Variants in RCAN2 observed in about 807,000 individuals in gnomAD.
RCAN2 encodes calcipressin-2.
RCAN2 carries 9 observed loss-of-function variants against 23.6 expected under a neutral mutation model. The observed-to-expected ratio is 0.38, with a 90% confidence interval of 0.23 to 0.67. The LOEUF is 0.67. RCAN2 is among the 30% of genes least tolerant of loss of function. The probability of loss-of-function intolerance (pLI) is 0.51; values close to 1 mark genes in which losing one functional copy is unlikely to be tolerated. For missense variants in RCAN2, 273 were observed against 302.3 expected (o/e 0.90, Z 0.72); for synonymous variants, 109 against 115.7 (o/e 0.94, Z 0.37).
At chr6:46,394,066 A>G (rs1277939799) in intron 2 of RCAN2, among the ~76,000 whole-genome samples, 1 of 152,202 alleles carries the variant, frequency 6.6e-6, no homozygotes, top group Non-Finnish European at 1.5e-5. Flanking sequence ...TTGAAAGCTG[A>G]GCTGCCATCA....
At chr6:46,386,450 A>G (rs904489809) in intron 2 of RCAN2, among the ~76,000 whole-genome samples, 1 of 151,522 alleles carries the variant, frequency 6.6e-6, no homozygotes, top group Non-Finnish European at 1.5e-5. Context: ...AATACAAAAA[A>G]AAAAAAAATT....
chr6:46,375,792 A>G lies in RCAN2; in HGVS notation c.225+80960T>C, dbSNP rs559448009. On this transcript the variant is annotated intron_variant, in intron 2 of 4. Transcript: ENST00000371374. ...AGAATGAGTGTGGCTCTGTTCCAAT[A>G]AAACTTTATTTATAGAAACAGAAAT... is the stretch of plus-strand genomic sequence containing the variant. 5.9e-5 allele frequency among the ~76,000 whole-genome samples: 9 copies of G among 152,346 alleles called. No homozygotes were observed. In the East Asian group the frequency reaches 1.7e-3, roughly 29 times the overall value.
chr6:46,365,266 A>C (rs1439957859), intron 2 of RCAN2, among the ~76,000 whole-genome samples: 1 of 152,088 alleles, frequency 6.6e-6, no homozygotes, highest in Non-Finnish European at 1.5e-5. Flanking sequence ...ACCTGAGGTC[A>C]GGAGTTTGAG....
In RCAN2 at chr6:46,246,749, T is replaced by G; in HGVS notation, c.570A>C (p.Pro190=). 6.2e-7 allele frequency: 1 copy of G among 1,612,452 alleles called. No individual in the cohort carries two copies. Among genetic ancestry groups the G allele is most frequent in the Non-Finnish European group, 8.5e-7 (1 of 1,179,136 alleles). The part of the protein sequence containing the change: ...DLLYAVAKLG[P]GEKYELHAGT... ...TTTAAAATGGACCGCAAAGCTTACC[T>G]GGTCCTAGTTTGGCCACAGCATAGA... is the stretch of plus-strand genomic sequence containing the variant. The change falls in exon 4 of 5, where the codon CCA becomes CCC. Residue 190 remains proline (P), a splice_region_variant and synonymous_variant. Coordinates refer to ENST00000371374, the MANE Select transcript of RCAN2 (RefSeq NM_001251974.2).
intron 2 of RCAN2, among the ~76,000 whole-genome samples, chr6:46,388,282 A>C (rs1261463886): frequency 1.3e-5 from 2 of 151,756 alleles, no homozygotes; most frequent in Admixed American, 6.6e-5. Flanking sequence ...AAAATAAATA[A>C]ATTTTAAAAA....
chr6:46,270,093 C>T (rs571517214), intron 2 of RCAN2, among the ~76,000 whole-genome samples: 13 of 152,172 alleles, frequency 8.5e-5, no homozygotes, highest in Non-Finnish European at 1.8e-4. Context: ...ATCACAGCTT[C>T]ACTACACCCT....
chr6:46,383,154 C>T (rs994195884), intron 2 of RCAN2, among the ~76,000 whole-genome samples: 7 of 148,468 alleles, frequency 4.7e-5, no homozygotes, highest in Admixed American at 2.7e-4. Flanking sequence ...GGAAAAGATT[C>T]GTGCAGCCTG....
At chr6:46,367,531 A>AGATCTGTCAGTAAAT (rs1396544106) in intron 2 of RCAN2, among the ~76,000 whole-genome samples, 1 of 152,228 alleles carries the variant, frequency 6.6e-6, no homozygotes, top group Non-Finnish European at 1.5e-5. Flanking sequence ...TGTCAGTTCA[A>AGATCTGTCAGTAAAT]GATCAAGTTA....
At chr6:46,258,108 C>T (rs1189612280) in intron 2 of RCAN2, among the ~76,000 whole-genome samples, 1 of 152,194 alleles carries the variant, frequency 6.6e-6, no homozygotes, top group Non-Finnish European at 1.5e-5. Context: ...AATCACAAGG[C>T]TCTCATCTTT....
At chr6:46,475,968 G>A (rs1371217465) in intron 1 of RCAN2, among the ~76,000 whole-genome samples, 2 of 152,152 alleles carry the variant, frequency 1.3e-5, no homozygotes, top group Non-Finnish European at 2.9e-5. Context: ...TTTAAAATTT[G>A]AAGCCAAAGA....
rs567644937 is a variant in RCAN2, at chr6:46,405,348, G to T, written c.225+51404C>A. ...GCTTCCACAGGGTGGAAGGGGACCC[G>T]AGCGGGTTGCCACTGCTGGCTTGGG... On this transcript the variant is annotated intron_variant, in intron 2 of 4. Coordinates refer to ENST00000371374, the MANE Select transcript of RCAN2 (RefSeq NM_001251974.2). Among the ~76,000 whole-genome samples, 116 of 152,272 alleles carry T rather than the reference G, an allele frequency of 7.6e-4. 1 individual carries two copies. Among genetic ancestry groups the T allele is most frequent in the African/African-American group, 2.7e-3 (114 of 41,564 alleles).
Position 46,249,072 on chromosome 6 carries a change from C to A in RCAN2, c.226-176G>T, listed in dbSNP as rs1766619611. On this transcript the variant is annotated intron_variant, in intron 2 of 4. Coordinates refer to ENST00000371374, the MANE Select transcript of RCAN2 (RefSeq NM_001251974.2). ...GATCTGTTGCCAGGTGCAAAACATG[C>A]CTGAATGATTTATAATCTTGGTCCA... 2.6e-5 allele frequency among the ~76,000 whole-genome samples: 4 copies of A among 151,404 alleles called. No individual in the cohort carries two copies. In the South Asian group the frequency reaches 8.4e-4, roughly 32 times the overall value.
intron 1 of RCAN2, among the ~76,000 whole-genome samples, chr6:46,478,570 A>T (rs937637566): frequency 6.6e-6 from 1 of 152,044 alleles, no homozygotes; most frequent in Non-Finnish European, 1.5e-5. Flanking sequence ...CTATGTCCAC[A>T]TGCTATACAA....
chr6:46,291,598 C>T (rs1047020106), intron 2 of RCAN2, among the ~76,000 whole-genome samples: 5 of 151,594 alleles, frequency 3.3e-5, no homozygotes, highest in African/African-American at 9.7e-5. Context: ...TTCTTCCTAA[C>T]AACAACAACA....
intron 2 of RCAN2, among the ~76,000 whole-genome samples, chr6:46,295,332 TG>T (rs1561846913): frequency 6.6e-6 from 1 of 152,084 alleles, no homozygotes; most frequent in Non-Finnish European, 1.5e-5. Context: ...GAAGCCACTT[TG>T]GTAGGAGAGA....
At chr6:46,299,814 A>G (rs529604582) in intron 2 of RCAN2, among the ~76,000 whole-genome samples, 4 of 152,162 alleles carry the variant, frequency 2.6e-5, no homozygotes, top group Admixed American at 1.3e-4. Context: ...ATGGAATACA[A>G]TATTGAACAC....
At chr6:46,472,781 A>C (rs1291289156) in intron 1 of RCAN2, among the ~76,000 whole-genome samples, 1 of 152,228 alleles carries the variant, frequency 6.6e-6, no homozygotes, top group Non-Finnish European at 1.5e-5. Flanking sequence ...TTAGATTCTA[A>C]GACATATAAG....
intron 4 of RCAN2, among the ~76,000 whole-genome samples, chr6:46,225,500 T>C (rs899430957): frequency 8.5e-5 from 13 of 152,252 alleles, no homozygotes; most frequent in African/African-American, 2.4e-5. Flanking sequence ...TGGTATTTCA[T>C]TGTGGTTTTG....
At chr6:46,454,207 T>C (rs1767958959) in intron 2 of RCAN2, among the ~76,000 whole-genome samples, 1 of 152,196 alleles carries the variant, frequency 6.6e-6, no homozygotes, top group Non-Finnish European at 1.5e-5. Context: ...CTAAACCTTG[T>C]GGAAAGAATA....
Sources: allele counts gnomAD v4.1 joint callset (sites outside exome capture counted in the v4.1 genomes callset), GRCh38; gene constraint gnomAD v4.1.1; transcripts MANE v1.5; gene names NCBI Gene and HGNC (gene_info 2026-07-23, HGNC 2026-07-21).